P3H3: variants seen among roughly 807,000 people sequenced by gnomAD.
P3H3 encodes the protein prolyl 3-hydroxylase 3, also known as gene rich cluster, B.
In P3H3, 64 loss-of-function variants were observed where a neutral mutation model predicts 78.1. The observed-to-expected ratio is 0.82, with a 90% CI of 0.67 to 1.01. P3H3 has a LOEUF of 1.01. Among genes scored for constraint, P3H3 ranks in the 50% least tolerant of loss-of-function variants. The pLI is 0.00. For missense variants in P3H3, 975 were observed against 982.2 expected, an observed-to-expected ratio of 0.99 and a Z score of 0.10; for synonymous variants, 425 against 416.7, an observed-to-expected ratio of 1.02 and a Z score of -0.24.
intron 13 of P3H3, among the ~76,000 whole-genome samples, chr12:6,838,653 C>T (rs1303786562): frequency 6.6e-6 from 1 of 152,008 alleles, no homozygotes; most frequent in Non-Finnish European, 1.5e-5. Flanking sequence ...ATCTGTATCC[C>T]CTTCTGCATA....
chr12:6,833,683 C>T (rs376003482), intron 7 of P3H3, 39 bp downstream of exon 7: 3 of 1,605,748 alleles, frequency 1.9e-6, no homozygotes, highest in East Asian at 2.2e-5. Context: ...TTGGCCCGAG[C>T]TGGGAGGCTG....
intron 2 of P3H3, 139 bp downstream of exon 2, chr12:6,830,150 CT>C: frequency 8.5e-7 from 1 of 1,172,106 alleles, no homozygotes; most frequent in Non-Finnish European, 1.2e-6. Flanking sequence ...GGGAGTCCTT[CT>C]CTAGGACTTC....
At position 6,839,595 on chromosome 12, in the gene P3H3, C is replaced by G; in HGVS notation, c.*134C>G. The stretch of plus-strand genomic sequence containing the variant: ...CTCTCTGTCCCTGCACCCCCACCAT[C>G]TTGGGGACCTACAAGGGCCTGGACT... On this transcript the variant is annotated 3_prime_UTR_variant, in exon 15 of 15. Coordinates refer to ENST00000290510, the MANE Select transcript of P3H3 (RefSeq NM_014262.5). The G allele has an allele frequency of 2.8e-6, 3 of 1,070,088 alleles. No individual in the cohort carries two copies. The highest frequency in any genetic ancestry group is 3.9e-6 in the Non-Finnish European group (3 of 760,220). 66.3% of individuals were successfully genotyped at this position (1,070,088 alleles called of 1,614,324 possible). A position where few individuals can be genotyped will look rare whatever the true frequency, so the allele number is the denominator to read the frequency against.
At chr12:6,835,686 A>G (rs1943489393) in intron 9 of P3H3, among the ~76,000 whole-genome samples, 1 of 152,182 alleles carries the variant, frequency 6.6e-6, no homozygotes, top group Non-Finnish European at 1.5e-5. Context: ...ATAGGGAAAG[A>G]GGGAGAGAGC....
chr12:6,831,063 G>C lies in P3H3; in HGVS notation c.986-153G>C. On this transcript the variant is annotated intron_variant, in intron 4 of 14. Coordinates refer to ENST00000290510, the MANE Select transcript of P3H3 (RefSeq NM_014262.5). This position sits in a 1 kb window ranked among gnomAD's most constrained non-coding sequence, Gnocchi z 4.6. Reference sequence around the variant, plus strand: ...GTTTGCACCAGTGTTTGAAAGAACCGGCAGCTGAACTTGTCTGCCAGTGGG... The same window carrying C: ...GTTTGCACCAGTGTTTGAAAGAACCCGCAGCTGAACTTGTCTGCCAGTGGG... 1 of 1,018,836 alleles carries C rather than the reference G, an allele frequency of 9.8e-7. No homozygotes were observed. Among genetic ancestry groups the C allele is most frequent in the Non-Finnish European group, 1.6e-6 (1 of 644,258 alleles). 63.1% of individuals were successfully genotyped at this position (1,018,836 alleles called of 1,614,324 possible). A position where few individuals can be genotyped will look rare whatever the true frequency, so the allele number is the denominator to read the frequency against.
intron 9 of P3H3, among the ~76,000 whole-genome samples, chr12:6,836,518 A>G (rs1205997376): frequency 6.6e-6 from 1 of 152,066 alleles, no homozygotes; most frequent in Non-Finnish European, 1.5e-5. Context: ...GTCAGGTGGG[A>G]AGAGGTCAGA....
intron 13 of P3H3, 96 bp downstream of exon 13, chr12:6,838,129 G>A (rs1943519358): frequency 1.3e-6 from 2 of 1,502,374 alleles, no homozygotes; most frequent in Non-Finnish European, 9.0e-7. Flanking sequence ...CAGGGAAATG[G>A]CCAGGGCTTT....
In P3H3 at chr12:6,831,011, C is replaced by T. The variant is rs1302575394; in HGVS notation, c.986-205C>T. On this transcript the variant is annotated intron_variant, in intron 4 of 14. Transcript: ENST00000290510. This position sits in a 1 kb window ranked among gnomAD's most constrained non-coding sequence, Gnocchi z 4.6. ...TTCCTTTATTTTCCCCCCTCTTGCT[C>T]TTCTTTGAACTCTCCAGCTAAGGTA... is the stretch of plus-strand genomic sequence containing the variant. 9.6e-6 allele frequency: 8 copies of T among 835,736 alleles called. No individual in the cohort carries two copies. The highest frequency in any genetic ancestry group is 2.0e-5 in the Admixed American group (1 of 50,982). 51.8% of individuals were successfully genotyped at this position (835,736 alleles called of 1,614,324 possible). A position where few individuals can be genotyped will look rare whatever the true frequency, so the allele number is the denominator to read the frequency against.
intron 14 of P3H3, 67 bp from the exon 15 acceptor site, chr12:6,839,230 C>G: frequency 6.4e-7 from 1 of 1,567,962 alleles, no homozygotes; most frequent in Non-Finnish European, 8.6e-7. Context: ...CGGTGAGGGT[C>G]AGGGGCTGAG....
At chr12:6,834,378 C>T (rs924529341) in intron 9 of P3H3, among the ~76,000 whole-genome samples, 12 of 152,162 alleles carry the variant, frequency 7.9e-5, no homozygotes, top group Admixed American at 3.9e-4. Context: ...TCAGCAGACA[C>T]GCAGGCCTTT....
rs782038293 is a variant in P3H3 at position 6,837,837 on chromosome 12, A to G, written c.1817A>G (p.Tyr606Cys). The change falls in exon 12 of 15, where the codon TAT becomes TGT. Residue 606 changes from tyrosine to cysteine, a missense_variant. Physicochemically the swap from Tyr to Cys is radical, Grantham distance 194. Transcript: ENST00000290510. The part of the protein sequence containing the change: ...ECWREPPAYT[Y>C]RDYSGLLYLN... ...TGGCGGGAGCCCCCAGCCTACACCTATCGGGACTACAGGTGGGCAGCCCCT... is the reference window on the plus strand; with the variant it reads ...TGGCGGGAGCCCCCAGCCTACACCTGTCGGGACTACAGGTGGGCAGCCCCT... The G allele has an allele frequency of 1.9e-6, 3 of 1,610,718 alleles. No individual in the cohort carries two copies. The highest frequency in any genetic ancestry group is 8.5e-7 in the Non-Finnish European group (1 of 1,178,526).
At position 6,828,883 on chromosome 12, in the gene P3H3, G is replaced by A; in HGVS notation, c.443G>A (p.Arg148Gln). The change falls in exon 1 of 15, where the codon CGG (arginine) becomes CAG (glutamine). Residue 148 changes from arginine to glutamine, a missense_variant. By Grantham distance (43) the Arg-to-Gln change is conservative (BLOSUM62 1). Coordinates refer to ENST00000290510, the MANE Select transcript of P3H3 (RefSeq NM_014262.5). ...AARLRVGSAL[R>Q]DAFRRREPYN... The stretch of plus-strand genomic sequence containing the variant: ...CGGCTTCGCGTGGGGAGCGCGCTCC[G>A]GGACGCCTTCCGCCGTCGGGAGCCC... The A allele has an allele frequency of 8.0e-7, 1 of 1,247,626 alleles. No homozygotes were observed. Among genetic ancestry groups the A allele is most frequent in the Non-Finnish European group, 1.0e-6 (1 of 995,932 alleles). 77.3% of individuals were successfully genotyped at this position (1,247,626 alleles called of 1,614,324 possible).
chr12:6,831,852 C>G lies in P3H3; in HGVS notation c.1150C>G (p.Leu384Val). The change falls in exon 6 of 15, where the codon CTG becomes GTG. Residue 384 changes from leucine (L) to valine (V), a missense_variant. Physicochemically the swap from Leu to Val is conservative, Grantham distance 32 (BLOSUM62 1). Coordinates refer to ENST00000290510, the MANE Select transcript of P3H3 (RefSeq NM_014262.5). This position sits in a 1 kb window ranked among gnomAD's most constrained non-coding sequence, Gnocchi z 4.6. ...EDIQRFILRS[L>V]GEKRQLYYAM... is the part of the protein sequence containing the mutation. ...CATCCAGCGCTTCATCCTCCGATCCCTGGGGGAGAAGAGGCAGCTCTACTA... is the reference window on the plus strand; with the variant it reads ...CATCCAGCGCTTCATCCTCCGATCCGTGGGGGAGAAGAGGCAGCTCTACTA... 1 of 1,608,810 alleles carries G rather than the reference C, an allele frequency of 6.2e-7. No homozygotes were observed. The highest frequency in any genetic ancestry group is 8.5e-7 in the Non-Finnish European group (1 of 1,176,948).
At position 6,830,412 on chromosome 12, in the gene P3H3, C is replaced by T. The variant is rs782563802; in HGVS notation, c.711C>T (p.Pro237=). ...LGRQEAGLAL[P]RLEEALQGSL... ...GCCAGGAGGCAGGACTGGCACTGCC[C>T]AGGCTAGAGGAGGCTCTTCAGGGGA... Residue 237 remains proline, a synonymous_variant, in exon 3 of 15, where the codon CCC becomes CCT. Transcript: ENST00000290510. 6 of 1,588,766 alleles carry T rather than the reference C, an allele frequency of 3.8e-6. No homozygotes were observed. The Admixed American group carries it at 7.1e-5, about 19-fold the overall frequency.
At chr12:6,835,050 T>G (rs1320606806) in intron 9 of P3H3, 1 of 151,914 alleles carries the variant, frequency 6.6e-6, no homozygotes, top group Admixed American at 6.6e-5. Context: ...GTCAGGCGAT[T>G]GGGGGTGGAA....
intron 6 of P3H3, 166 bp from the exon 7 acceptor site, chr12:6,833,426 C>T: frequency 1.6e-6 from 1 of 643,154 alleles, no homozygotes; most frequent in Non-Finnish European, 2.8e-6. Flanking sequence ...CTTGTTGTTA[C>T]AGTTTGATCC....
At chr12:6,835,148 C>G (rs1259203606) in intron 9 of P3H3, among the ~76,000 whole-genome samples, 1 of 152,114 alleles carries the variant, frequency 6.6e-6, no homozygotes, top group Non-Finnish European at 1.5e-5. Context: ...ATAGTCATTA[C>G]CTGTGTGATC....
chr12:6,837,840 G>T lies in P3H3; in HGVS notation c.1820G>T (p.Arg607Leu), dbSNP rs375496752. ...CGGGAGCCCCCAGCCTACACCTATC[G>T]GGACTACAGGTGGGCAGCCCCTCTA... ...CWREPPAYTY[R>L]DYSGLLYLND... Residue 607 changes from arginine to leucine, a missense_variant, in exon 12 of 15, where the codon CGG (arginine) becomes CTG (leucine). Coordinates refer to ENST00000290510, the MANE Select transcript of P3H3 (RefSeq NM_014262.5). The T allele has an allele frequency of 1.2e-6, 2 of 1,609,564 alleles. No homozygotes were observed. Among genetic ancestry groups the T allele is most frequent in the Non-Finnish European group, 8.5e-7 (1 of 1,178,130 alleles).
intron 11 of P3H3, 63 bp downstream of exon 11, chr12:6,837,636 C>T: frequency 6.3e-7 from 1 of 1,584,160 alleles, no homozygotes; most frequent in Non-Finnish European, 8.6e-7. Context: ...GACACTGCCC[C>T]CAAGAGCCCC....
Sources: allele counts gnomAD v4.1 joint callset (sites outside exome capture counted in the v4.1 genomes callset), GRCh38; gene constraint gnomAD v4.1.1; non-coding constraint Gnocchi (gnomAD v3.1); transcripts MANE v1.5; gene names NCBI Gene and HGNC (gene_info 2026-07-23, HGNC 2026-07-21).